The following KIF5A variants were observed in gnomAD, a reference collection of about 807,000 sequenced individuals.
KIF5A encodes kinesin heavy chain isoform 5A.
A neutral mutation model predicts 141.3 loss-of-function variants in KIF5A; 35 were observed. The observed-to-expected ratio is 0.25, with a 90% CI of 0.19 to 0.33. KIF5A has a LOEUF of 0.33. KIF5A is among the 10% of genes least tolerant of loss of function. The pLI is 1.00. For missense variants in KIF5A, 861 were observed against 1,314.3 expected (o/e 0.66, Z 5.33); for synonymous variants, 448 against 500.2 (o/e 0.90, Z 1.39).
At chr12:57,558,890 C>G (rs1881825049) in intron 1 of KIF5A, among the ~76,000 whole-genome samples, 1 of 152,162 alleles carries the variant, frequency 6.6e-6, no homozygotes, top group Non-Finnish European at 1.5e-5. Context: ...ATCATCCTGC[C>G]TCAGCCTGCT....
In KIF5A at chr12:57,567,818, G is replaced by A. The variant is rs149354963; in HGVS notation, c.714+200G>A. On this transcript the variant is annotated intron_variant, in intron 8 of 28. Coordinates refer to ENST00000455537, the MANE Select transcript of KIF5A (RefSeq NM_004984.4). ...TGGGATTACAGGTGCCCACCACCACGCCTGGCTAATTTTTTGTATTTTTAG... is the reference window on the plus strand; with the variant it reads ...TGGGATTACAGGTGCCCACCACCACACCTGGCTAATTTTTTGTATTTTTAG... Among the ~76,000 whole-genome samples the A allele has an allele frequency of 8.2e-3, 1,238 of 151,730 alleles. 24 individuals are homozygous for A. Among genetic ancestry groups the A allele is most frequent in the East Asian group, 0.07 (362 of 5,158 alleles).
At chr12:57,552,699 T>C (rs1485258164) in intron 1 of KIF5A, among the ~76,000 whole-genome samples, 4 of 152,204 alleles carry the variant, frequency 2.6e-5, no homozygotes, top group African/African-American at 7.2e-5. Context: ...TTTTCCCCTC[T>C]AGCTCTTTTT....
intron 1 of KIF5A, among the ~76,000 whole-genome samples, chr12:57,556,513 G>C (rs1881750534): frequency 6.6e-6 from 1 of 151,970 alleles, no homozygotes; most frequent in African/African-American, 2.4e-5. Context: ...TTTCTTCCCA[G>C]CCTAGACTGA....
intron 15 of KIF5A, among the ~76,000 whole-genome samples, chr12:57,574,583 T>C: frequency 7.6e-6 from 1 of 131,634 alleles, no homozygotes; most frequent in East Asian, 2.1e-4. Context: ...AGAATTGGAT[T>C]TTTTTTTTTT....
chr12:57,562,343 G>A (rs981147135), intron 1 of KIF5A, among the ~76,000 whole-genome samples: 18 of 152,178 alleles, frequency 1.2e-4, no homozygotes, highest in Admixed American at 9.2e-4. Flanking sequence ...AGCCTCCGGC[G>A]TAGCTGGGAT....
intron 23 of KIF5A, among the ~76,000 whole-genome samples, chr12:57,580,097 C>T (rs1483410391): frequency 6.6e-6 from 1 of 152,154 alleles, no homozygotes; most frequent in Admixed American, 6.5e-5. Flanking sequence ...ATAAATTGTC[C>T]AAATGGAAAC....
At chr12:57,564,585 G>C in intron 5 of KIF5A, 77 bp downstream of exon 5, 1 of 1,175,064 alleles carries the variant, frequency 8.5e-7, no homozygotes, top group Non-Finnish European at 1.3e-6. Flanking sequence ...TTTGGAATTA[G>C]GTACCAATTG....
intron 7 of KIF5A, 35 bp from the exon 8 acceptor site, chr12:57,567,459 G>T (rs1442060093): frequency 1.9e-6 from 3 of 1,611,440 alleles, no homozygotes; most frequent in Non-Finnish European, 2.5e-6. Context: ...GTTCTGCAGG[G>T]TGGTGCAGGT....
Position 57,573,864 on chromosome 12 carries a change from G to A in KIF5A, c.1716+1138G>A, listed in dbSNP as rs1386719242. ...AAAAAAAAATTTGGGAGGCCGAGGC[G>A]AGGTCAGGAGATTGAGACCATCCTG... On this transcript the variant is annotated intron_variant, in intron 15 of 28. Transcript: ENST00000455537. Among the ~76,000 whole-genome samples the A allele has an allele frequency of 2.6e-5, 4 of 151,088 alleles. No individual in the cohort carries two copies. In the East Asian group the frequency reaches 5.9e-4, roughly 22 times the overall value.
intron 23 of KIF5A, among the ~76,000 whole-genome samples, chr12:57,579,586 T>C (rs1233229014): frequency 6.6e-6 from 1 of 152,220 alleles, no homozygotes; most frequent in African/African-American, 2.4e-5. Flanking sequence ...TGCAGAGGGC[T>C]TTGCTACGAT....
Position 57,550,230 on chromosome 12 carries a change from C to G in KIF5A, c.-42C>G. ...CTCTCCTCTGGAGCACACACCACCC[C>G]TGCAGCCCAAGAAGAGTCCCAGCCC... On this transcript the variant is annotated 5_prime_UTR_variant, in exon 1 of 29. Transcript: ENST00000455537. The surrounding 1 kb of genome is among the most constrained non-coding windows in gnomAD (Gnocchi z 4.6). The G allele has an allele frequency of 6.2e-7, 1 of 1,613,024 alleles. No individual in the cohort carries two copies. The highest frequency in any genetic ancestry group is 2.2e-5 in the East Asian group (1 of 44,872).
rs747071818 is a variant in KIF5A, at chr12:57,564,937, C to T, written c.465C>T (p.Ser155=). ...ATTCAGTGACCAAGACAAATCTGTC[C>T]GTGCACGAGGACAAGAACCGGGTGC... ...DLLDVTKTNL[S]VHEDKNRVPF... Residue 155 remains serine (S), a synonymous_variant, in exon 6 of 29, where the codon TCC becomes TCT. Transcript: ENST00000455537. The T allele has an allele frequency of 3.0e-5, 49 of 1,613,992 alleles. No homozygotes were observed. Among genetic ancestry groups the T allele is most frequent in the South Asian group, 1.9e-4 (17 of 91,088 alleles).
intron 1 of KIF5A, among the ~76,000 whole-genome samples, chr12:57,556,340 G>C (rs546917921): frequency 6.6e-6 from 1 of 151,998 alleles, no homozygotes; most frequent in African/African-American, 2.4e-5. Context: ...GGGTTTCACC[G>C]TGTTAGCCAG....
At chr12:57,577,688 A>C in intron 20 of KIF5A, 25 bp from the exon 21 acceptor site, 2 of 1,602,074 alleles carry the variant, frequency 1.2e-6, no homozygotes, top group South Asian at 2.2e-5. Context: ...GGATCTTTCC[A>C]TTTCCCTTAT....
intron 26 of KIF5A, 39 bp downstream of exon 26, chr12:57,581,991 T>C (rs1402735004): frequency 6.5e-7 from 1 of 1,534,038 alleles, no homozygotes; most frequent in Non-Finnish European, 9.0e-7. Context: ...TTTGGGGTCC[T>C]CAGGGCAAGT....
At chr12:57,559,056 G>C (rs1881831178) in intron 1 of KIF5A, among the ~76,000 whole-genome samples, 1 of 152,136 alleles carries the variant, frequency 6.6e-6, no homozygotes, top group Non-Finnish European at 1.5e-5. Flanking sequence ...GGATTACACG[G>C]TACATGAGCT....
intron 1 of KIF5A, among the ~76,000 whole-genome samples, chr12:57,551,023 C>G (rs1941459042): frequency 6.6e-6 from 1 of 152,040 alleles, no homozygotes; most frequent in Non-Finnish European, 1.5e-5. Flanking sequence ...ATCCTAAGGT[C>G]AGGTCTGCCT....
intron 23 of KIF5A, among the ~76,000 whole-genome samples, chr12:57,580,010 G>A (rs558106871): frequency 1.3e-5 from 2 of 152,300 alleles, no homozygotes; most frequent in East Asian, 3.9e-4. Context: ...TCAGTTAAGA[G>A]AATCTTAACA....
Position 57,572,130 on chromosome 12 carries a change from G to A in KIF5A, c.1432G>A (p.Asp478Asn), listed in dbSNP as rs1323875105. 1.9e-6 allele frequency: 3 copies of A among 1,614,050 alleles called. No individual in the cohort carries two copies. The highest frequency in any genetic ancestry group is 2.2e-5 in the East Asian group (1 of 44,892). Residue 478 changes from aspartate (D) to asparagine (N), a missense_variant, in exon 14 of 29, where the codon GAT becomes AAT. Physicochemically the swap from Asp to Asn is conservative, Grantham distance 23. Coordinates refer to ENST00000455537, the MANE Select transcript of KIF5A (RefSeq NM_004984.4). The surrounding 1 kb of genome is among the most constrained non-coding windows in gnomAD (Gnocchi z 4.2). ...GCTGAGCCACCTGCAATCAGAGAACGATGCCGCTAAGGATGAGGTGAAGGA... is the reference window on the plus strand; with the variant it reads ...GCTGAGCCACCTGCAATCAGAGAACAATGCCGCTAAGGATGAGGTGAAGGA... ...RELSHLQSENDAAKDEVKEVL... is the reference protein window; with the variant it reads ...RELSHLQSENNAAKDEVKEVL...
Sources: allele counts gnomAD v4.1 joint callset (sites outside exome capture counted in the v4.1 genomes callset), GRCh38; gene constraint gnomAD v4.1.1; non-coding constraint Gnocchi (gnomAD v3.1); transcripts MANE v1.5; gene names NCBI Gene and HGNC (gene_info 2026-07-23, HGNC 2026-07-21).